Variants in NEXMIF observed in about 807,000 individuals in gnomAD.
NEXMIF encodes neurite extension and migration factor.
A neutral mutation model predicts 62.1 loss-of-function variants in NEXMIF; 8 were observed. The ratio of observed to expected loss-of-function variants is 0.13; its 90% CI spans 0.08 to 0.23. The LOEUF (loss-of-function observed/expected upper bound fraction) is 0.23, where lower values mean the gene tolerates loss of function less well. Ranked by LOEUF, NEXMIF falls within the 10% of genes least tolerant of loss-of-function variation. The pLI is 1.00. For missense variants in NEXMIF, 976 were observed against 1,113.3 expected (o/e 0.88, Z 1.75); for synonymous variants, 404 against 416.6 (o/e 0.97, Z 0.37).
At chrX:74,825,792 A>G (rs750112824) in intron 1 of NEXMIF, among the ~76,000 whole-genome samples, 1 of 112,282 alleles carries the variant, frequency 8.9e-6, no homozygotes, top group South Asian at 3.7e-4. Flanking sequence ...TGACCTCGTG[A>G]TCCACCAGCC....
intron 1 of NEXMIF, among the ~76,000 whole-genome samples, chrX:74,824,806 G>A (rs1159900031): frequency 6.4e-5 from 7 of 110,045 alleles, no homozygotes; most frequent in African/African-American, 2.0e-4. Flanking sequence ...CCGCCACCAC[G>A]CCCAGCTAAT....
At chrX:74,820,375 G>T (rs1481910605) in intron 1 of NEXMIF, among the ~76,000 whole-genome samples, 1 of 110,591 alleles carries the variant, frequency 9.0e-6, no homozygotes, top group Non-Finnish European at 1.9e-5. Flanking sequence ...GCAAGGTTGT[G>T]GAGAAAAGGG....
chrX:74,773,569 T>C (rs1014869349), intron 1 of NEXMIF, among the ~76,000 whole-genome samples: 37 of 111,003 alleles, frequency 3.3e-4, no homozygotes, highest in African/African-American at 1.2e-3. Context: ...TATATGCTGC[T>C]CTATACAATC....
At chrX:74,795,447 A>G (rs1163468903) in intron 1 of NEXMIF, among the ~76,000 whole-genome samples, 1 of 112,132 alleles carries the variant, frequency 8.9e-6, no homozygotes, top group African/African-American at 3.2e-5. Flanking sequence ...AAGACTACAT[A>G]TTGTATTATT....
intron 1 of NEXMIF, among the ~76,000 whole-genome samples, chrX:74,851,946 G>C (rs527305440): frequency 1.8e-5 from 2 of 110,727 alleles, no homozygotes; most frequent in African/African-American, 6.6e-5. Context: ...AAAATGATAG[G>C]AATAAGCCCT....
At chrX:74,769,062 G>T (rs916621608) in intron 1 of NEXMIF, among the ~76,000 whole-genome samples, 2 of 110,026 alleles carry the variant, frequency 1.8e-5, no homozygotes, top group Non-Finnish European at 3.8e-5. Flanking sequence ...AATGCTGTAG[G>T]TTTTTGAAAA....
chrX:74,874,858 T>C (rs1454066463), intron 1 of NEXMIF, among the ~76,000 whole-genome samples: 4 of 106,254 alleles, frequency 3.8e-5, no homozygotes, highest in African/African-American at 1.4e-4. Context: ...CCTGAGACTT[T>C]GCTGAAGTTG....
chrX:74,770,292 T>C (rs2147454403), intron 1 of NEXMIF, among the ~76,000 whole-genome samples: 1 of 112,263 alleles, frequency 8.9e-6, no homozygotes. Context: ...TGGATTTTCC[T>C]AAATATCTGG....
chrX:74,772,608 C>T (rs1204464832), intron 1 of NEXMIF, among the ~76,000 whole-genome samples: 2 of 112,443 alleles, frequency 1.8e-5, no homozygotes, highest in African/African-American at 3.2e-5. Context: ...TCCATTTAGT[C>T]TCCTTTAACC....
At chrX:74,843,048 ATCTG>A (rs1350292722) in intron 1 of NEXMIF, among the ~76,000 whole-genome samples, 4 of 111,698 alleles carry the variant, frequency 3.6e-5, no homozygotes, top group African/African-American at 9.8e-5. Flanking sequence ...TGCCTTGATG[ATCTG>A]TCTAATACTG....
At chrX:74,888,954 T>C (rs1350667870) in intron 1 of NEXMIF, among the ~76,000 whole-genome samples, 2 of 111,796 alleles carry the variant, frequency 1.8e-5, no homozygotes, top group Non-Finnish European at 1.9e-5. Context: ...CTAGAAACTT[T>C]ATTGGTTCTT....
chrX:74,910,704 C>T (rs2080786154), intron 1 of NEXMIF, among the ~76,000 whole-genome samples: 3 of 111,671 alleles, frequency 2.7e-5, no homozygotes, highest in Non-Finnish European at 5.6e-5. Flanking sequence ...GAATAGTATT[C>T]CCATCATTCC....
At position 74,741,427 on chromosome X, in the gene NEXMIF, C is replaced by A; in HGVS notation, c.3130G>T (p.Ala1044Ser). The stretch of plus-strand genomic sequence containing the variant: ...AGGTCAGTGGACTCCTTTAGTGGTG[C>A]TATCTCATCAATGCTTTGCTGGATC... ...LVIQQSIDEI[A>S]PLKESTDLLD... The change falls in exon 3 of 4, where the codon GCA becomes TCA. Residue 1044 changes from alanine (A) to serine (S), a missense_variant. Around this residue, in one of 5 missense-constraint regions of NEXMIF, gnomAD observed 639 missense variants for 694.5 expected, o/e 0.92. Coordinates refer to ENST00000055682, the MANE Select transcript of NEXMIF (RefSeq NM_001008537.3). 1 of 1,211,518 alleles carries A rather than the reference C, an allele frequency of 8.3e-7. No individual in the cohort carries two copies. Among genetic ancestry groups the A allele is most frequent in the East Asian group, 3.0e-5 (1 of 33,817 alleles).
chrX:74,771,951 G>T (rs2147455083), intron 1 of NEXMIF, among the ~76,000 whole-genome samples: 1 of 111,045 alleles, frequency 9.0e-6, no homozygotes, highest in South Asian at 3.9e-4. Context: ...TTCCTGATAG[G>T]ATACTCTTAA....
At chrX:74,856,788 T>C (rs2080536600) in intron 1 of NEXMIF, among the ~76,000 whole-genome samples, 1 of 111,930 alleles carries the variant, frequency 8.9e-6, no homozygotes, top group Non-Finnish European at 1.9e-5. Flanking sequence ...CTTGAACCAC[T>C]GACATGACCC....
At chrX:74,832,942 CTTAA>C (rs970073271) in intron 1 of NEXMIF, among the ~76,000 whole-genome samples, 2 of 110,809 alleles carry the variant, frequency 1.8e-5, no homozygotes, top group Non-Finnish European at 3.8e-5. Context: ...TCGTTTTGTT[CTTAA>C]TTTTTTGTTT....
chrX:74,886,166 T>G (rs1462202809), intron 1 of NEXMIF, among the ~76,000 whole-genome samples: 1 of 111,601 alleles, frequency 9.0e-6, no homozygotes, highest in African/African-American at 3.3e-5. Context: ...ATAAGAGCTA[T>G]CTATGACAAA....
At chrX:74,899,006 C>T (rs900911230) in intron 1 of NEXMIF, among the ~76,000 whole-genome samples, 3 of 111,462 alleles carry the variant, frequency 2.7e-5, no homozygotes, top group Non-Finnish European at 3.8e-5. Context: ...AGACATCCTG[C>T]GTTCATGGAT....
At chrX:74,878,633 T>C in intron 1 of NEXMIF, among the ~76,000 whole-genome samples, 1 of 112,797 alleles carries the variant, frequency 8.9e-6, no homozygotes, top group East Asian at 2.8e-4. Context: ...GTGCTCGCAA[T>C]CAGCGGGACT....
Sources: allele counts gnomAD v4.1 joint callset (sites outside exome capture counted in the v4.1 genomes callset), GRCh38; gene constraint gnomAD v4.1.1; regional missense constraint gnomAD v4.1.1; transcripts MANE v1.5; gene names NCBI Gene and HGNC (gene_info 2026-07-23, HGNC 2026-07-21).